Variants in FANCI observed in about 807,000 individuals in gnomAD.
FANCI encodes Fanconi anemia group I protein.
Under a neutral mutation model 176.1 loss-of-function variants are expected in FANCI, and 156 were observed. That is an observed-to-expected ratio of 0.89 (90% CI 0.78 to 1.01). The LOEUF is 1.01. Among genes scored for constraint, FANCI ranks in the 50% least tolerant of loss-of-function variants. The pLI is 0.00. For synonymous variants in FANCI, 613 were observed against 541.7 expected, an observed-to-expected ratio of 1.13 and a Z score of -1.83; for missense variants, 1,678 against 1,534.1, an observed-to-expected ratio of 1.09 and a Z score of -1.57.
intron 11 of FANCI, 127 bp downstream of exon 11, chr15:89,273,596 A>G (rs1469255242): frequency 4.5e-6 from 3 of 671,532 alleles, no homozygotes; most frequent in East Asian, 5.6e-5. Flanking sequence ...TCCTGCCAGC[A>G]GCAAAGCTGC....
intron 24 of FANCI, among the ~76,000 whole-genome samples, chr15:89,297,380 A>G (rs1394595937): frequency 6.6e-6 from 1 of 152,068 alleles, no homozygotes; most frequent in Admixed American, 6.5e-5. Context: ...AGAGGCTGCA[A>G]TCTCGGCACT....
rs187793298 is a variant in FANCI at position 89,315,126 on chromosome 15, C to G, written c.3817-156C>G. Reference sequence around the variant, plus strand: ...ACTCAGCCTCTTTGCTGTTCTTGATCTGATGACCTGAACCCCAGCATACAG... The same window carrying G: ...ACTCAGCCTCTTTGCTGTTCTTGATGTGATGACCTGAACCCCAGCATACAG... On this transcript the variant is annotated intron_variant, in intron 36 of 37. Coordinates refer to ENST00000310775, the MANE Select transcript of FANCI (RefSeq NM_001113378.2). Among the ~76,000 whole-genome samples, 224 of 152,210 alleles carry G rather than the reference C, an allele frequency of 1.5e-3. 1 individual carries two copies. Among genetic ancestry groups the G allele is most frequent in the Non-Finnish European group, 2.3e-3 (157 of 68,008 alleles).
chr15:89,289,214 A>G (rs1280494485), intron 18 of FANCI, among the ~76,000 whole-genome samples: 3 of 151,946 alleles, frequency 2.0e-5, no homozygotes, highest in Non-Finnish European at 4.4e-5. Context: ...GTGTCTTTTT[A>G]TTATTATTAC....
Position 89,299,910 on chromosome 15 carries a change from T to G in FANCI, c.2747T>G (p.Phe916Cys). The G allele has an allele frequency of 2.5e-6, 4 of 1,614,126 alleles. No individual in the cohort carries two copies. The highest frequency in any genetic ancestry group is 3.4e-6 in the Non-Finnish European group (4 of 1,180,004). The stretch of plus-strand genomic sequence containing the variant: ...TGCTTGGAGGGTTTACAGAAAATAT[T>G]CAGTGCTGTGCAACAGTTCTATCAG... ...LLCLEGLQKI[F>C]SAVQQFYQPK... The change falls in exon 25 of 38, where the codon TTC (phenylalanine) becomes TGC (cysteine). Residue 916 changes from phenylalanine to cysteine, a missense_variant. Transcript: ENST00000310775.
At chr15:89,272,195 C>T (rs541145307) in intron 10 of FANCI, among the ~76,000 whole-genome samples, 1 of 152,260 alleles carries the variant, frequency 6.6e-6, no homozygotes, top group East Asian at 1.9e-4. Context: ...TTCTTAATGA[C>T]TGATGATAAT....
intron 12 of FANCI, among the ~76,000 whole-genome samples, chr15:89,274,939 A>G (rs1372197562): frequency 6.6e-6 from 1 of 151,888 alleles, no homozygotes; most frequent in Admixed American, 6.6e-5. Context: ...CAGTCTCACT[A>G]TGTTGCCCAG....
Position 89,285,179 on chromosome 15 carries a change from C to T in FANCI, c.1782C>T (p.Cys594=), listed in dbSNP as rs1310729209. ...CLEIMDSLRR[C]LSQQADVRLM... ...AGATCATGGATAGTTTGAGGAGATGCTTAAGCCAGCAAGCTGATGTTCGAC... is the reference window on the plus strand; with the variant it reads ...AGATCATGGATAGTTTGAGGAGATGTTTAAGCCAGCAAGCTGATGTTCGAC... The change falls in exon 18 of 38, where the codon TGC becomes TGT. Residue 594 remains cysteine (C), a synonymous_variant. Transcript: ENST00000310775. 2.5e-6 allele frequency: 4 copies of T among 1,614,042 alleles called. No individual in the cohort carries two copies. The African/African-American group carries it at 5.3e-5, about 22-fold the overall frequency.
At chr15:89,296,508 C>T (rs939240642) in intron 24 of FANCI, among the ~76,000 whole-genome samples, 3 of 152,092 alleles carry the variant, frequency 2.0e-5, no homozygotes, top group East Asian at 1.9e-4. Context: ...CACGGGGTTG[C>T]GGGTAAGGTC....
chr15:89,279,788 T>C (rs1262657064), intron 14 of FANCI, among the ~76,000 whole-genome samples: 6 of 152,176 alleles, frequency 3.9e-5, no homozygotes. Context: ...TCCCTCATAC[T>C]GTCATTGTTT....
chr15:89,262,324 A>G (rs1450536819), intron 6 of FANCI, among the ~76,000 whole-genome samples: 1 of 152,044 alleles, frequency 6.6e-6, no homozygotes, highest in Non-Finnish European at 1.5e-5. Context: ...CTGGGAATCT[A>G]CATTAAAGAA....
intron 10 of FANCI, among the ~76,000 whole-genome samples, chr15:89,271,848 C>T (rs1392864447): frequency 6.6e-6 from 1 of 152,186 alleles, no homozygotes; most frequent in Non-Finnish European, 1.5e-5. Context: ...GTTTAGCAGT[C>T]TCCCAGCTGG....
chr15:89,263,949 G>A lies in FANCI; in HGVS notation c.592G>A (p.Ala198Thr), dbSNP rs1280630309. Reference protein sequence around the residue: ...AEEVEFVVEKALSMFSKMNLQ... With the variant: ...AEEVEFVVEKTLSMFSKMNLQ... ...AGAGGTGGAATTTGTGGTGGAAAAA[G>A]CATTGAGCATGTTCTCCAAGATGAA... The change falls in exon 8 of 38, where the codon GCA (alanine) becomes ACA (threonine). Residue 198 changes from alanine (A) to threonine (T), a missense_variant. Around this residue, in one of 3 missense-constraint regions of FANCI, gnomAD observed 469 missense variants for 436.9 expected, o/e 1.07. Coordinates refer to ENST00000310775, the MANE Select transcript of FANCI (RefSeq NM_001113378.2). 3 of 1,614,094 alleles carry A rather than the reference G, an allele frequency of 1.9e-6. No individual in the cohort carries two copies. Among genetic ancestry groups the A allele is most frequent in the Non-Finnish European group, 2.5e-6 (3 of 1,179,960 alleles).
chr15:89,291,836 T>C, intron 20 of FANCI, 122 bp downstream of exon 20: 1 of 799,884 alleles, frequency 1.3e-6, no homozygotes. Flanking sequence ...TGTTTACTTT[T>C]AAGTCTTCCC....
intron 18 of FANCI, among the ~76,000 whole-genome samples, chr15:89,287,090 C>T (rs985426603): frequency 3.4e-5 from 5 of 148,542 alleles, no homozygotes; most frequent in Non-Finnish European, 7.4e-5. Context: ...TCTCCTGCCT[C>T]AGCCTCCCAA....
chr15:89,275,835 G>T (rs982123700), intron 12 of FANCI, among the ~76,000 whole-genome samples: 2 of 152,148 alleles, frequency 1.3e-5, no homozygotes, highest in Non-Finnish European at 2.9e-5. Context: ...CTTGCCACTG[G>T]GTGGGACCAA....
In FANCI at chr15:89,299,797, CAG is replaced by C; in HGVS notation, c.2637_2638del. The C allele has an allele frequency of 6.2e-7, 1 of 1,613,102 alleles. No homozygotes were observed. Among genetic ancestry groups the C allele is most frequent in the Non-Finnish European group, 8.5e-7 (1 of 1,179,646 alleles). On this transcript the variant is annotated splice_acceptor_variant, in intron 24 of 37. Transcript: ENST00000310775. LOFTEE classifies it high-confidence loss of function. ...AAAACAATACCACTTTCTCCTGCTT[CAG>C]AGTCTTGCTATGGAGATACACTTCA...
At position 89,261,948 on chromosome 15, in the gene FANCI, G is replaced by T. The variant is rs2052727730; in HGVS notation, c.503+70G>T. ...CGGAAAAAAAACCACTTTATTTCAG[G>T]AATTTATGTCTGGAGGTTTTAAGTC... is the stretch of plus-strand genomic sequence containing the variant. On this transcript the variant is annotated intron_variant, in intron 6 of 37. Coordinates refer to ENST00000310775, the MANE Select transcript of FANCI (RefSeq NM_001113378.2). 2.1e-6 allele frequency: 3 copies of T among 1,413,252 alleles called. No homozygotes were observed. In the South Asian group the frequency reaches 3.5e-5, roughly 16 times the overall value. The allele number at this position is 1,413,252 out of a possible 1,614,324, so 87.5% of individuals were successfully genotyped here. A position where few individuals can be genotyped will look rare whatever the true frequency, so the allele number is the denominator to read the frequency against.
Position 89,299,893 on chromosome 15 carries a change from G to C in FANCI, c.2730G>C (p.Glu910Asp). The C allele has an allele frequency of 1.9e-6, 3 of 1,614,098 alleles. No homozygotes were observed. The highest frequency in any genetic ancestry group is 2.5e-6 in the Non-Finnish European group (3 of 1,179,994). Residue 910 changes from glutamate to aspartate, a missense_variant, in exon 25 of 38, where the codon GAG (glutamate) becomes GAC (aspartate). By Grantham distance (45) the Glu-to-Asp change is conservative. Coordinates refer to ENST00000310775, the MANE Select transcript of FANCI (RefSeq NM_001113378.2). ...AGAGCATCTCACTGCTGTGCTTGGA[G>C]GGTTTACAGAAAATATTCAGTGCTG... ...KGKSISLLCLEGLQKIFSAVQ... is the reference protein window; with the variant it reads ...KGKSISLLCLDGLQKIFSAVQ...
chr15:89,290,160 G>C, intron 18 of FANCI, 53 bp from the exon 19 acceptor site: 1 of 1,346,782 alleles, frequency 7.4e-7, no homozygotes, highest in African/African-American at 1.4e-5. Flanking sequence ...TGATTGTCCA[G>C]ATCACTAGTA....
Sources: allele counts gnomAD v4.1 joint callset (sites outside exome capture counted in the v4.1 genomes callset), GRCh38; gene constraint gnomAD v4.1.1; regional missense constraint gnomAD v4.1.1; transcripts MANE v1.5; gene names NCBI Gene and HGNC (gene_info 2026-07-23, HGNC 2026-07-21).